Variants in EXPH5 observed in about 807,000 individuals in gnomAD.
The protein encoded by EXPH5 is exophilin-5.
A neutral mutation model predicts 41.1 loss-of-function variants in EXPH5; 42 were observed. That is an observed-to-expected ratio of 1.02 (90% CI 0.80 to 1.32). EXPH5 has a LOEUF of 1.32. Ranked by LOEUF, EXPH5 falls within the 40% of genes most tolerant of loss-of-function variation. The pLI is 0.00. For synonymous variants in EXPH5, 798 were observed against 833.5 expected, an observed-to-expected ratio of 0.96 and a Z score of 0.73; for missense variants, 2,298 against 2,314.5, an observed-to-expected ratio of 0.99 and a Z score of 0.15.
At chr11:108,588,033 G>A (rs1055925907) in intron 1 of EXPH5, among the ~76,000 whole-genome samples, 9 of 152,120 alleles carry the variant, frequency 5.9e-5, no homozygotes, top group Admixed American at 2.6e-4. Context: ...GATTACAGGC[G>A]TGAGCCACAG....
chr11:108,554,251 C>T (rs1471311171), intron 1 of EXPH5, among the ~76,000 whole-genome samples: 2 of 151,978 alleles, frequency 1.3e-5, no homozygotes, highest in African/African-American at 2.4e-5. Flanking sequence ...GATGGTGTTT[C>T]GCCATGTTGG....
chr11:108,512,521 TG>T lies in EXPH5; in HGVS notation c.2985del (p.Thr996ProfsTer45). 1 of 1,613,848 alleles carries T rather than the reference TG, an allele frequency of 6.2e-7. No individual in the cohort carries two copies. The highest frequency in any genetic ancestry group is 8.5e-7 in the Non-Finnish European group (1 of 1,179,942). On this transcript the variant is annotated frameshift_variant, in exon 6 of 6. Coordinates refer to ENST00000265843, the MANE Select transcript of EXPH5 (RefSeq NM_015065.3). LOFTEE classifies it low-confidence loss of function (END_TRUNC). ...TCAATGAGGCTCCTGTGATCACTGG[TG>T]GGTACTGATATACTTTCTGTTTTGC... Reference protein sequence around the residue: ...KLSKTESISVPTSDHRSLIEA... With the variant: ...KLSKTESISVXTSDHRSLIEA...
chr11:108,555,658 G>A (rs1436741776), intron 1 of EXPH5, among the ~76,000 whole-genome samples: 20 of 152,194 alleles, frequency 1.3e-4, no homozygotes, highest in Admixed American at 1.3e-3. Context: ...GACCTCGTGG[G>A]AGGTGATTAG....
rs748814467 is a variant in EXPH5 at position 108,538,998 on chromosome 11, C to A, written c.443+26G>T. On this transcript the variant is annotated intron_variant, in intron 3 of 5. Coordinates refer to ENST00000265843, the MANE Select transcript of EXPH5 (RefSeq NM_015065.3). ...CTCTGATATCGGATAACAAATGGGC[C>A]GTAACATGACCTGAGTTTAACTCAC... is the stretch of plus-strand genomic sequence containing the variant. The A allele has an allele frequency of 2.6e-6, 4 of 1,540,906 alleles. No homozygotes were observed. In the South Asian group the frequency reaches 3.8e-5, roughly 15 times the overall value.
the EXPH5 span, among the ~76,000 whole-genome samples, chr11:108,602,175 A>AT: frequency 3.2e-4 from 49 of 152,328 alleles, no homozygotes; most frequent in South Asian, 0.01. Context: ...ACACTACTGT[A>AT]TCCTGCATCC....
In EXPH5 at chr11:108,510,828, T is replaced by C. The variant is rs746115719; in HGVS notation, c.4679A>G (p.Gln1560Arg). The change falls in exon 6 of 6, where the codon CAG becomes CGG. Residue 1560 changes from glutamine (Q) to arginine (R), a missense_variant. Physicochemically the swap from Gln to Arg is conservative, Grantham distance 43. Transcript: ENST00000265843. ...TESRKAEDEMQKSAWDQPSLP... is the reference protein window; with the variant it reads ...TESRKAEDEMRKSAWDQPSLP... ...TGAAGGTTGATCCCAAGCTGACTTC[T>C]GCATTTCATCTTCAGCCTTCCTGCT... is the stretch of plus-strand genomic sequence containing the variant. 5.0e-6 allele frequency: 8 copies of C among 1,614,230 alleles called. No homozygotes were observed. The South Asian group carries it at 8.8e-5, about 18-fold the overall frequency.
At chr11:108,581,927 A>G (rs2136114845) in intron 1 of EXPH5, among the ~76,000 whole-genome samples, 1 of 152,282 alleles carries the variant, frequency 6.6e-6, no homozygotes, top group East Asian at 1.9e-4. Context: ...AAAAACACGC[A>G]CTGTCAAACT....
At chr11:108,527,877 G>A (rs996302761) in intron 4 of EXPH5, among the ~76,000 whole-genome samples, 9 of 152,166 alleles carry the variant, frequency 5.9e-5, no homozygotes, top group Admixed American at 2.0e-4. Flanking sequence ...GGGGCAACAC[G>A]TGGCAAAATA....
rs74882849 is a variant in EXPH5, at chr11:108,557,083, A to T, written c.120-15271T>A. On this transcript the variant is annotated intron_variant, in intron 1 of 5. Transcript: ENST00000265843. ...TGTCACATGGCTATGCCTTTGTGCC[A>T]TTTAGGCCTTAGCTAAAATGTCACA... Among the ~76,000 whole-genome samples the T allele has an allele frequency of 3.7e-4, 57 of 152,330 alleles. No homozygotes were observed. The East Asian group carries it at 0.01, about 28-fold the overall frequency.
At chr11:108,548,955 G>A (rs549814884) in intron 1 of EXPH5, among the ~76,000 whole-genome samples, 1 of 151,438 alleles carries the variant, frequency 6.6e-6, no homozygotes, top group Non-Finnish European at 1.5e-5. Flanking sequence ...GTTTGACAAA[G>A]ATAACATTTG....
chr11:108,559,943 A>C (rs2094004736), intron 1 of EXPH5, among the ~76,000 whole-genome samples: 1 of 152,162 alleles, frequency 6.6e-6, no homozygotes, highest in Non-Finnish European at 1.5e-5. Context: ...TGGGAAACCA[A>C]CTCAAATCCA....
chr11:108,531,814 C>T (rs2093839763), intron 3 of EXPH5, among the ~76,000 whole-genome samples: 2 of 152,218 alleles, frequency 1.3e-5, no homozygotes, highest in South Asian at 2.1e-4. Context: ...CTCCTTCCCT[C>T]GCAGTCCTTC....
chr11:108,546,872 G>A (rs915451690), intron 1 of EXPH5, among the ~76,000 whole-genome samples: 1 of 150,096 alleles, frequency 6.7e-6, no homozygotes, highest in Admixed American at 6.7e-5. Flanking sequence ...GCACAATCTC[G>A]GCTCACTGCA....
chr11:108,521,470 G>A (rs2093764549), intron 4 of EXPH5, among the ~76,000 whole-genome samples: 1 of 152,166 alleles, frequency 6.6e-6, no homozygotes, highest in South Asian at 2.1e-4. Context: ...TACGGAAGGA[G>A]TGCTCCCATG....
chr11:108,599,038 G>T, the EXPH5 span, among the ~76,000 whole-genome samples: 3 of 150,856 alleles, frequency 2.0e-5, 1 homozygote, highest in South Asian at 6.3e-4. Flanking sequence ...AAGAGACGGA[G>T]AGAGAGAGAG....
chr11:108,580,390 A>G (rs1159534432), intron 1 of EXPH5, among the ~76,000 whole-genome samples: 1 of 152,098 alleles, frequency 6.6e-6, no homozygotes, highest in Non-Finnish European at 1.5e-5. Flanking sequence ...TATTATCAAA[A>G]AGGAAAAAAA....
intron 3 of EXPH5, among the ~76,000 whole-genome samples, chr11:108,531,646 T>C (rs1457833264): frequency 6.6e-6 from 1 of 152,144 alleles, no homozygotes; most frequent in Non-Finnish European, 1.5e-5. Context: ...TCTCACTCAA[T>C]AGAGTAGGAT....
chr11:108,553,748 C>G (rs1404207895), intron 1 of EXPH5, among the ~76,000 whole-genome samples: 3 of 152,148 alleles, frequency 2.0e-5, no homozygotes, highest in Admixed American at 2.0e-4. Context: ...TGAGTTCTAC[C>G]AACTTATTCT....
At chr11:108,526,754 T>C (rs556577263) in intron 4 of EXPH5, among the ~76,000 whole-genome samples, 53 of 152,354 alleles carry the variant, frequency 3.5e-4, no homozygotes, top group African/African-American at 9.4e-4. Context: ...TTTCTAATCC[T>C]CAGTCTGCTA....
Sources: gnomAD v4.1 joint callset for allele counts (sites outside exome capture counted in the v4.1 genomes callset) on GRCh38, gnomAD v4.1.1 for gene constraint, MANE v1.5 for transcripts, NCBI Gene and HGNC (gene_info 2026-07-23, HGNC 2026-07-21) for gene names.